The following TBCK variants were observed in gnomAD, a reference collection of about 807,000 sequenced individuals.
TBCK encodes the protein TBC1 domain containing kinase.
A neutral mutation model predicts 113.4 loss-of-function variants in TBCK; 99 were observed. The ratio of observed to expected loss-of-function variants is 0.87; its 90% CI spans 0.74 to 1.03. The LOEUF (loss-of-function observed/expected upper bound fraction) is 1.03, where lower values mean the gene tolerates loss of function less well. TBCK is among the 50% of genes least tolerant of loss of function. The pLI, the probability that TBCK is intolerant of heterozygous loss-of-function variation, is 0.00. For missense variants in TBCK, 1,045 were observed against 1,061.3 expected (o/e 0.98, Z 0.21); for synonymous variants, 369 against 370.8 (o/e 1.00, Z 0.05).
chr4:106,285,007 A>G (rs967524808), intron 3 of TBCK, among the ~76,000 whole-genome samples: 1 of 152,008 alleles, frequency 6.6e-6, no homozygotes, highest in East Asian at 1.9e-4. Context: ...CACTATAGGA[A>G]TTTAATTTGA....
At chr4:106,231,659 C>T (rs1019563308) in intron 18 of TBCK, 70 bp downstream of exon 18, 4 of 1,447,234 alleles carry the variant, frequency 2.8e-6, no homozygotes, top group African/African-American at 2.9e-5. Flanking sequence ...AAAACAAAAA[C>T]CTTTCATGTG....
intron 19 of TBCK, among the ~76,000 whole-genome samples, chr4:106,221,931 T>C (rs1440937607): frequency 1.3e-5 from 2 of 152,102 alleles, no homozygotes; most frequent in African/African-American, 4.8e-5. Context: ...AATTTACATA[T>C]ATAACAAATC....
At chr4:106,167,803 GAGA>G (rs1367974991) in intron 23 of TBCK, among the ~76,000 whole-genome samples, 1 of 151,658 alleles carries the variant, frequency 6.6e-6, no homozygotes, top group Non-Finnish European at 1.5e-5. Flanking sequence ...AAACTTATAT[GAGA>G]AGAATTAGAT....
chr4:106,076,006 C>T (rs77025818), intron 25 of TBCK, among the ~76,000 whole-genome samples: 1 of 152,324 alleles, frequency 6.6e-6, no homozygotes, highest in East Asian at 1.9e-4. Flanking sequence ...TTTATAGAGT[C>T]ATACAGACTG....
chr4:106,128,719 T>C (rs1184724842), intron 23 of TBCK, among the ~76,000 whole-genome samples: 2 of 152,278 alleles, frequency 1.3e-5, no homozygotes, highest in South Asian at 4.1e-4. Flanking sequence ...GGGTAATGTA[T>C]ATAAGTATAA....
At chr4:106,071,473 T>C (rs1737437304) in intron 25 of TBCK, among the ~76,000 whole-genome samples, 1 of 152,188 alleles carries the variant, frequency 6.6e-6, no homozygotes, top group Non-Finnish European at 1.5e-5. Context: ...CAGTTTATTA[T>C]AATTTCTGTT....
intron 23 of TBCK, among the ~76,000 whole-genome samples, chr4:106,139,221 C>G (rs1298496755): frequency 7.1e-6 from 1 of 140,972 alleles, no homozygotes; most frequent in Non-Finnish European, 1.6e-5. Context: ...CACTTATTCC[C>G]TGAGGAAGAA....
chr4:106,201,847 ATATT>A (rs1260861873), intron 20 of TBCK, among the ~76,000 whole-genome samples: 3 of 152,072 alleles, frequency 2.0e-5, no homozygotes, highest in African/African-American at 7.2e-5. Flanking sequence ...AAGTATTTTC[ATATT>A]TAAATTATTA....
At chr4:106,287,272 C>G (rs35010939) in intron 3 of TBCK, among the ~76,000 whole-genome samples, 31,540 of 151,648 alleles carry the variant, frequency 0.21, 4,027 homozygotes, top group Non-Finnish European at 0.29. Flanking sequence ...ATAATCCTTT[C>G]TTTTTTCTAC....
intron 20 of TBCK, among the ~76,000 whole-genome samples, chr4:106,199,413 T>G (rs780022347): frequency 1.3e-5 from 2 of 152,140 alleles, no homozygotes; most frequent in African/African-American, 2.4e-5. Context: ...ACTCTCAACC[T>G]GGAGTGTCCC....
chr4:106,083,541 G>A (rs1169124799), intron 25 of TBCK, among the ~76,000 whole-genome samples: 3 of 152,278 alleles, frequency 2.0e-5, no homozygotes, highest in Non-Finnish European at 2.9e-5. Flanking sequence ...CAGCTCAGAC[G>A]AGTGGGTTTC....
intron 22 of TBCK, among the ~76,000 whole-genome samples, chr4:106,173,016 C>G (rs1176509409): frequency 6.6e-6 from 1 of 152,104 alleles, no homozygotes; most frequent in African/African-American, 2.4e-5. Flanking sequence ...AAAAGATAGT[C>G]TGATAAGACC....
At chr4:106,161,244 T>C (rs901118535) in intron 23 of TBCK, among the ~76,000 whole-genome samples, 5 of 152,136 alleles carry the variant, frequency 3.3e-5, no homozygotes, top group Admixed American at 3.3e-4. Context: ...AAAAGATCCC[T>C]ACAAATACAA....
intron 23 of TBCK, among the ~76,000 whole-genome samples, chr4:106,169,626 C>A (rs763691737): frequency 1.3e-4 from 20 of 152,142 alleles, no homozygotes; most frequent in Non-Finnish European, 2.5e-4. Flanking sequence ...TCATGGAAGA[C>A]AATTTTTCCA....
chr4:106,135,628 CTG>C (rs1009387827), intron 23 of TBCK, among the ~76,000 whole-genome samples: 1 of 141,684 alleles, frequency 7.1e-6, no homozygotes, highest in Non-Finnish European at 1.6e-5. Flanking sequence ...AGAAGGAAGA[CTG>C]TTGTAGAAGT....
At chr4:106,053,110 CTT>C (rs1275729663) in intron 25 of TBCK, among the ~76,000 whole-genome samples, 3 of 150,008 alleles carry the variant, frequency 2.0e-5, no homozygotes, top group Non-Finnish European at 4.4e-5. Flanking sequence ...CCCTCCCTCT[CTT>C]TGTCTATCCA....
chr4:106,212,919 T>A, intron 19 of TBCK, 84 bp from the exon 20 acceptor site: 2 of 857,508 alleles, frequency 2.3e-6, no homozygotes, highest in Non-Finnish European at 3.8e-6. Context: ...TATTTATACA[T>A]TGAATGAGAT....
intron 24 of TBCK, among the ~76,000 whole-genome samples, chr4:106,096,073 C>T (rs1740867931): frequency 6.6e-6 from 1 of 151,832 alleles, no homozygotes; most frequent in Admixed American, 6.6e-5. Context: ...TAAATAAGTT[C>T]TGAAAAATGA....
In TBCK at chr4:106,046,525, G is replaced by T; in HGVS notation, c.*45C>A. On this transcript the variant is annotated 3_prime_UTR_variant, in exon 26 of 26. Transcript: ENST00000394708. Reference sequence around the variant, plus strand: ...CGTGGATATGAAGAACTGTGCTGTTGGTGCTGATGCCACACTAAGTTTTGG... The same window carrying T: ...CGTGGATATGAAGAACTGTGCTGTTTGTGCTGATGCCACACTAAGTTTTGG... 1.9e-6 allele frequency: 2 copies of T among 1,030,286 alleles called. No homozygotes were observed. The highest frequency in any genetic ancestry group is 3.1e-6 in the Non-Finnish European group (2 of 651,854). 63.8% of individuals were successfully genotyped at this position (1,030,286 alleles called of 1,614,324 possible).
Sources: allele counts gnomAD v4.1 joint callset (sites outside exome capture counted in the v4.1 genomes callset), GRCh38; gene constraint gnomAD v4.1.1; transcripts MANE v1.5; gene names NCBI Gene and HGNC (gene_info 2026-07-23, HGNC 2026-07-21).